Variants in EPM2A observed in about 807,000 individuals in gnomAD.
EPM2A encodes laforin.
In EPM2A, 21 loss-of-function variants were observed where a neutral mutation model predicts 26.5. The ratio of observed to expected loss-of-function variants is 0.79; its 90% CI spans 0.56 to 1.14. The LOEUF (loss-of-function observed/expected upper bound fraction) is 1.14. Among genes scored for constraint, EPM2A ranks in the 50% most tolerant of loss-of-function variants. The pLI is 0.00. For synonymous variants in EPM2A, 217 were observed against 177.6 expected (o/e 1.22, Z -1.76); for missense variants, 458 against 440.8 (o/e 1.04, Z -0.35).
intron 4 of EPM2A, among the ~76,000 whole-genome samples, chr6:145,438,373 C>G (rs1417385334): frequency 6.6e-6 from 1 of 151,796 alleles, no homozygotes; most frequent in Admixed American, 6.6e-5. Flanking sequence ...TATTCTGAGT[C>G]TGGGTCCATA....
chr6:145,713,506 T>C (rs1043136945), intron 1 of EPM2A, among the ~76,000 whole-genome samples: 1 of 152,148 alleles, frequency 6.6e-6, no homozygotes, highest in Admixed American at 6.5e-5. Context: ...CTCAACATCA[T>C]TAGTCATTAG....
intron 2 of EPM2A, among the ~76,000 whole-genome samples, chr6:145,604,476 T>A (rs1781456906): frequency 6.6e-6 from 1 of 152,074 alleles, no homozygotes; most frequent in South Asian, 2.1e-4. Context: ...CTCTTATAAA[T>A]GCACATTTTA....
intron 4 of EPM2A, among the ~76,000 whole-genome samples, chr6:145,456,023 A>G (rs946265741): frequency 5.3e-5 from 8 of 152,158 alleles, no homozygotes; most frequent in Admixed American, 3.9e-4. Flanking sequence ...ATTTTTTAGC[A>G]AATTACTGCG....
chr6:145,441,620 C>T (rs182676280), intron 4 of EPM2A, among the ~76,000 whole-genome samples: 21 of 152,034 alleles, frequency 1.4e-4, no homozygotes, highest in Admixed American at 1.4e-3. Context: ...TCCTAGCACC[C>T]TGGGAGGCTG....
At chr6:145,720,221 G>A (rs1775880729) in intron 1 of EPM2A, among the ~76,000 whole-genome samples, 1 of 152,030 alleles carries the variant, frequency 6.6e-6, no homozygotes, top group African/African-American at 2.4e-5. Context: ...ACATAGCTCT[G>A]GAGTAAAGAA....
At chr6:145,496,728 A>ATGTTTTTTGTTTTTTTTTTTTT (rs779194973), downstream of EPM2A, among the ~76,000 whole-genome samples, 1 of 106,908 alleles carries the variant, frequency 9.4e-6, no homozygotes, top group Non-Finnish European at 2.0e-5. Context: ...AGTTCCTGCA[A>ATGTTTTTTGTTTTTTTTTTTTT]TTTTTTTTTT....
At chr6:145,607,752 A>C (rs555381287) in intron 2 of EPM2A, among the ~76,000 whole-genome samples, 1 of 152,322 alleles carries the variant, frequency 6.6e-6, no homozygotes, top group Admixed American at 6.5e-5. Flanking sequence ...GCTCTGATCA[A>C]CAGTGGGGCA....
chr6:145,509,007 C>T (rs555683072), intron 2 of EPM2A, among the ~76,000 whole-genome samples: 2 of 151,994 alleles, frequency 1.3e-5, no homozygotes, highest in Admixed American at 6.6e-5. Flanking sequence ...ACAGACTAGT[C>T]CTTCAAATCA....
intron 4 of EPM2A, among the ~76,000 whole-genome samples, chr6:145,486,097 T>C (rs1582792023): frequency 6.6e-6 from 1 of 152,310 alleles, no homozygotes; most frequent in Non-Finnish European, 1.5e-5. Flanking sequence ...GCTGAGAGTT[T>C]CTAGGCATCT....
intron 2 of EPM2A, among the ~76,000 whole-genome samples, chr6:145,668,630 T>G (rs954916847): frequency 1.3e-5 from 2 of 152,054 alleles, no homozygotes; most frequent in African/African-American, 4.8e-5. Context: ...TGGAGGAGAA[T>G]CTGGGAATGG....
intron 4 of EPM2A, among the ~76,000 whole-genome samples, chr6:145,478,975 T>C (rs547866721): frequency 2.0e-5 from 3 of 151,656 alleles, no homozygotes; most frequent in African/African-American, 7.2e-5. Context: ...GATTTGTGGT[T>C]AGTTTCTATA....
rs555476296 is a variant in EPM2A, at chr6:145,385,119, AAAG to A, written c.556-1025_556-1023del. Among the ~76,000 whole-genome samples, 550 of 148,374 alleles carry A rather than the reference AAAG, an allele frequency of 3.7e-3. 51 individuals carry two copies. The highest frequency in any genetic ancestry group is 0.014 in the Middle Eastern group (4 of 288). ...ACAAAATGATAAGAATTTTTCTCTT[AAAG>A]AACTTTAGAATGGACTAAAAATCAC... On this transcript the variant is annotated intron_variant, in intron 4 of 4. Coordinates refer to the EPM2A transcript ENST00000638717.
At chr6:145,562,367 A>C (rs1240599001) in intron 2 of EPM2A, among the ~76,000 whole-genome samples, 2 of 152,176 alleles carry the variant, frequency 1.3e-5, no homozygotes, top group Non-Finnish European at 2.9e-5. Context: ...AAAAAAGAAA[A>C]AAAAAGATTA....
At position 145,466,508 on chromosome 6, in the gene EPM2A, G is replaced by C. The variant is rs545557143; in HGVS notation, c.555+36014C>G. Among the ~76,000 whole-genome samples the C allele has an allele frequency of 4.6e-3, 702 of 152,106 alleles. 22 individuals carry two copies. The East Asian group carries it at 0.084, about 18-fold the overall frequency. ...TCAGGAAACAACAGGTGCTGGAGAG[G>C]ATGTGGAGAAATAGGAACACTTTTA... On this transcript the variant is annotated intron_variant, in intron 4 of 4. Transcript: ENST00000638717.
chr6:145,568,436 C>G (rs192205870), intron 2 of EPM2A, among the ~76,000 whole-genome samples: 1 of 152,020 alleles, frequency 6.6e-6, no homozygotes, highest in Non-Finnish European at 1.5e-5. Context: ...TCTCCTCCCT[C>G]AGCCTCCCTG....
At chr6:145,405,828 CTTATT>C (rs1478643920) in intron 4 of EPM2A, among the ~76,000 whole-genome samples, 1 of 152,050 alleles carries the variant, frequency 6.6e-6, no homozygotes, top group East Asian at 1.9e-4. Context: ...TGGTAAATAT[CTTATT>C]TTATTATAAG....
chr6:145,516,341 T>G (rs1024788142), intron 2 of EPM2A, among the ~76,000 whole-genome samples: 11 of 152,142 alleles, frequency 7.2e-5, no homozygotes, highest in African/African-American at 2.7e-4. Flanking sequence ...TGTAACCAAG[T>G]GGAACATTTC....
chr6:145,536,455 C>A (rs1780433317), intron 2 of EPM2A, among the ~76,000 whole-genome samples: 1 of 152,052 alleles, frequency 6.6e-6, no homozygotes, highest in African/African-American at 2.4e-5. Context: ...GCCACCACAC[C>A]CGGCTAATTT....
chr6:145,714,261 T>A (rs1303402288), intron 1 of EPM2A, among the ~76,000 whole-genome samples: 1 of 152,216 alleles, frequency 6.6e-6, no homozygotes, highest in Non-Finnish European at 1.5e-5. Context: ...GTCCCAGATA[T>A]AAAATGGCAT....
Sources: gnomAD v4.1 joint callset for allele counts (sites outside exome capture counted in the v4.1 genomes callset) on GRCh38, gnomAD v4.1.1 for gene constraint, MANE v1.5 for transcripts, NCBI Gene and HGNC (gene_info 2026-07-23, HGNC 2026-07-21) for gene names.